PEX2: variants seen among roughly 807,000 people sequenced by gnomAD.
The protein encoded by PEX2 is peroxisomal biogenesis factor 2, also known as peroxisome biogenesis factor 2.
A neutral mutation model predicts 25.2 loss-of-function variants in PEX2; 19 were observed. The observed-to-expected ratio is 0.75, with a 90% CI of 0.53 to 1.10. The LOEUF is 1.10. PEX2 is among the 50% of genes least tolerant of loss of function. The probability of loss-of-function intolerance (pLI) is 0.00; values close to 1 mark genes in which losing one functional copy is unlikely to be tolerated. For missense variants in PEX2, 347 were observed against 350.6 expected (o/e 0.99, Z 0.08); for synonymous variants, 141 against 127.7 (o/e 1.10, Z -0.70).
At chr8:77,000,513 G>A (rs576866245), upstream of PEX2, among the ~76,000 whole-genome samples, 195 of 152,342 alleles carry the variant, frequency 1.3e-3, no homozygotes, top group Non-Finnish European at 2.4e-3. Context: ...GTTCGCTGTC[G>A]GAGGAGGACC....
At chr8:76,989,000 C>T (rs1270270557) in intron 1 of PEX2, among the ~76,000 whole-genome samples, 1 of 50,368 alleles carries the variant, frequency 2.0e-5, no homozygotes, top group African/African-American at 7.3e-5. Context: ...ACTGTCTCTA[C>T]AAAAACTAAA....
chr8:76,994,482 T>C (rs1018667026), intron 1 of PEX2, among the ~76,000 whole-genome samples: 6 of 152,286 alleles, frequency 3.9e-5, no homozygotes, highest in African/African-American at 1.4e-4. Flanking sequence ...TATAATACCA[T>C]GTAACATCTC....
At chr8:76,999,910 A>G (rs1357619312) in intron 1 of PEX2, 80 bp downstream of exon 1, 2 of 456,650 alleles carry the variant, frequency 4.4e-6, no homozygotes, top group Admixed American at 2.3e-5. Flanking sequence ...CGACAATTAC[A>G]AGGTCGTGAA....
chr8:76,995,270 G>A (rs1253708053), intron 1 of PEX2, among the ~76,000 whole-genome samples: 1 of 152,200 alleles, frequency 6.6e-6, no homozygotes, highest in East Asian at 1.9e-4. Flanking sequence ...GCCAAGATAT[G>A]TGAAATTTTA....
rs1377221867 is a variant in PEX2 at position 76,980,589 on chromosome 8, T to C, written c.*2672A>G. On this transcript the variant is annotated 3_prime_UTR_variant, in exon 4 of 4. Coordinates refer to ENST00000357039, the MANE Select transcript of PEX2 (RefSeq NM_000318.3). The stretch of plus-strand genomic sequence containing the variant: ...CTAGCTATAGTGGCTGGTTCAGGAA[T>C]GTGCACATAATCCAAGGCAGACCAG... The C allele has an allele frequency of 6.6e-6, 1 of 152,204 alleles. No individual in the cohort carries two copies. The highest frequency in any genetic ancestry group is 1.9e-4 in the East Asian group (1 of 5,186). The allele number at this position is 152,204 out of a possible 1,614,324, so 9.4% of individuals were successfully genotyped here.
intron 1 of PEX2, among the ~76,000 whole-genome samples, chr8:76,990,429 T>A (rs1041308730): frequency 6.6e-6 from 1 of 152,180 alleles, no homozygotes; most frequent in Non-Finnish European, 1.5e-5. Context: ...GTATAAAAGG[T>A]CTACCTTTTG....
chr8:76,995,666 C>T (rs1247080828), intron 1 of PEX2, among the ~76,000 whole-genome samples: 4 of 152,108 alleles, frequency 2.6e-5, no homozygotes, highest in East Asian at 3.8e-4. Context: ...ATTTCCAATA[C>T]TTGGGCCTAG....
rs756958279 is a variant in PEX2 at position 76,983,934 on chromosome 8, T to G, written c.245A>C (p.Asn82Thr). The G allele has an allele frequency of 6.2e-7, 1 of 1,614,172 alleles. No homozygotes were observed. Among genetic ancestry groups the G allele is most frequent in the East Asian group, 2.2e-5 (1 of 44,888 alleles). ...GGAAAAATCATTTTTGTACTTAATATTCAAAACTGACTGTCCCACTGTGGC... is the reference window on the plus strand; with the variant it reads ...GGAAAAATCATTTTTGTACTTAATAGTCAAAACTGACTGTCCCACTGTGGC... ...KNATVGQSVL[N>T]IKYKNDFSPN... The change falls in exon 4 of 4, where the codon AAT becomes ACT. Residue 82 changes from asparagine (N) to threonine (T), a missense_variant. By Grantham distance (65) the Asn-to-Thr change is moderately conservative. Transcript: ENST00000357039.
chr8:76,986,620 G>A (rs1807008827), intron 2 of PEX2: 1 of 152,218 alleles, frequency 6.6e-6, no homozygotes, highest in African/African-American at 2.4e-5. Context: ...CCCTTCTCCT[G>A]TTCACCAGTA....
At chr8:76,997,531 T>A (rs1181949750) in intron 1 of PEX2, among the ~76,000 whole-genome samples, 1 of 152,128 alleles carries the variant, frequency 6.6e-6, no homozygotes, top group Non-Finnish European at 1.5e-5. Flanking sequence ...ACTGTGCCAC[T>A]GCACTCCAGC....
At chr8:76,999,017 TTCAAA>T (rs1347279366) in intron 1 of PEX2, among the ~76,000 whole-genome samples, 9 of 152,078 alleles carry the variant, frequency 5.9e-5, no homozygotes. Flanking sequence ...AAATAATTCT[TTCAAA>T]TCTCTTTCTG....
At chr8:76,989,162 G>A (rs1807090655) in intron 1 of PEX2, among the ~76,000 whole-genome samples, 1 of 151,244 alleles carries the variant, frequency 6.6e-6, no homozygotes, top group African/African-American at 2.4e-5. Flanking sequence ...CTGAGTGCCA[G>A]AGCATGACCT....
intron 2 of PEX2, chr8:76,986,499 GC>G (rs1217590178): frequency 6.6e-6 from 1 of 152,166 alleles, no homozygotes; most frequent in East Asian, 1.9e-4. Flanking sequence ...CTTACCTTCT[GC>G]CTCCTTCAGT....
intron 1 of PEX2, among the ~76,000 whole-genome samples, chr8:76,988,646 C>T (rs924492607): frequency 6.6e-6 from 1 of 152,110 alleles, no homozygotes; most frequent in Non-Finnish European, 1.5e-5. Context: ...CTTATAACAA[C>T]AACAAAGTTT....
chr8:76,982,811 A>G lies in PEX2; in HGVS notation c.*450T>C, dbSNP rs1166318467. Reference sequence around the variant, plus strand: ...GTGACAGAGCAGGACACCGTCTCAGAAAAAAAAAAAAAAGTTACAACTGAG... The same window carrying G: ...GTGACAGAGCAGGACACCGTCTCAGGAAAAAAAAAAAAAGTTACAACTGAG... On this transcript the variant is annotated 3_prime_UTR_variant, in exon 4 of 4. Coordinates refer to ENST00000357039, the MANE Select transcript of PEX2 (RefSeq NM_000318.3). 5 of 144,888 alleles carry G rather than the reference A, an allele frequency of 3.5e-5. No individual in the cohort carries two copies. Among genetic ancestry groups the G allele is most frequent in the Non-Finnish European group, 7.4e-5 (5 of 67,240 alleles). The allele number at this position is 144,888 out of a possible 1,614,324, so 9.0% of individuals were successfully genotyped here. A position where few individuals can be genotyped will look rare whatever the true frequency, so the allele number is the denominator to read the frequency against.
intron 1 of PEX2, 51 bp downstream of exon 1, chr8:76,999,939 T>TG: frequency 2.2e-6 from 1 of 456,496 alleles, no homozygotes. Context: ...ACCTCCCAGC[T>TG]GAAAACAAGA....
In PEX2 at chr8:76,980,691, G is replaced by C. The variant is rs1023913668; in HGVS notation, c.*2570C>G. On this transcript the variant is annotated 3_prime_UTR_variant, in exon 4 of 4. Transcript: ENST00000357039. ...TGCCAGTGGGATCAGAAAGCTAGCA[G>C]ATTATAAGCCTTGAGCTTCTAGCGG... 1.3e-4 allele frequency: 20 copies of C among 152,202 alleles called. No homozygotes were observed. Among genetic ancestry groups the C allele is most frequent in the African/African-American group, 3.6e-4 (15 of 41,458 alleles). 9.4% of individuals were successfully genotyped at this position (152,202 alleles called of 1,614,324 possible). A position where few individuals can be genotyped will look rare whatever the true frequency, so the allele number is the denominator to read the frequency against.
chr8:76,989,556 A>C (rs1807103830), intron 1 of PEX2, among the ~76,000 whole-genome samples: 1 of 152,144 alleles, frequency 6.6e-6, no homozygotes, highest in Non-Finnish European at 1.5e-5. Context: ...TAAAAGTCAA[A>C]ATTACTCCTT....
upstream of PEX2, chr8:77,000,922 T>A (rs1807496426): frequency 3.3e-5 from 5 of 152,206 alleles, 1 homozygote. Context: ...GCCACTGCCT[T>A]CTCGTTCTGT....
Sources: allele counts gnomAD v4.1 joint callset (sites outside exome capture counted in the v4.1 genomes callset), GRCh38; gene constraint gnomAD v4.1.1; transcripts MANE v1.5; gene names NCBI Gene and HGNC (gene_info 2026-07-23, HGNC 2026-07-21).